The following SYBU variants were observed in gnomAD, a reference collection of about 807,000 sequenced individuals.
SYBU encodes GOLSYN A protein.
In SYBU, 21 loss-of-function variants were observed where a neutral mutation model predicts 35.9. The observed-to-expected ratio is 0.58, with a 90% CI of 0.41 to 0.84. The LOEUF is 0.84. Among genes scored for constraint, SYBU ranks in the 40% least tolerant of loss-of-function variants. The pLI is 0.00. For synonymous variants in SYBU, 319 were observed against 324.3 expected (o/e 0.98, Z 0.18); for missense variants, 768 against 848.2 (o/e 0.91, Z 1.17).
At chr8:109,686,176 T>C (rs972706041) in intron 1 of SYBU, among the ~76,000 whole-genome samples, 3 of 152,002 alleles carry the variant, frequency 2.0e-5, no homozygotes, top group South Asian at 2.1e-4. Context: ...CCTAATTCTG[T>C]AGTGAGGTCA....
chr8:109,684,303 C>CTT (rs35243384), upstream of SYBU, among the ~76,000 whole-genome samples: 1 of 152,182 alleles, frequency 6.6e-6, no homozygotes, highest in East Asian at 1.9e-4. Flanking sequence ...TAAATCTGTT[C>CTT]TTTTTGTACT....
At chr8:109,665,832 T>A (rs1333024174) in intron 1 of SYBU, among the ~76,000 whole-genome samples, 2 of 152,210 alleles carry the variant, frequency 1.3e-5, no homozygotes, top group African/African-American at 4.8e-5. Context: ...ATATAACAAG[T>A]GAAGATTTCA....
intron 1 of SYBU, among the ~76,000 whole-genome samples, chr8:109,674,294 G>C (rs749443663): frequency 2.0e-5 from 3 of 151,478 alleles, no homozygotes; most frequent in African/African-American, 7.3e-5. Flanking sequence ...AGAAAGGTCA[G>C]GTTACTCACA....
At chr8:109,591,805 C>A (rs564379291) in intron 3 of SYBU, among the ~76,000 whole-genome samples, 1 of 152,058 alleles carries the variant, frequency 6.6e-6, no homozygotes, top group South Asian at 2.1e-4. Flanking sequence ...AGCCACCGCG[C>A]CCGGCCAAAA....
chr8:109,671,245 T>G (rs1460180884), intron 1 of SYBU, among the ~76,000 whole-genome samples: 1 of 151,550 alleles, frequency 6.6e-6, no homozygotes, highest in Non-Finnish European at 1.5e-5. Context: ...TTTTTTTTTC[T>G]TACTATAGGT....
rs1291086158 is a variant in SYBU, at chr8:109,659,876, G to GT, written c.-129+20834dup. On this transcript the variant is annotated intron_variant, in intron 1 of 5. Transcript: ENST00000408889. ...TTTTGTAAAATTGTTGCTTAAGGCA[G>GT]TTTTTTTAATTTATTGACCAGATCC... 3.3e-5 allele frequency among the ~76,000 whole-genome samples: 5 copies of GT among 152,134 alleles called. No individual in the cohort carries two copies. In the South Asian group the frequency reaches 8.3e-4, roughly 25 times the overall value.
At chr8:109,635,689 T>G (rs1345790860) in intron 2 of SYBU, among the ~76,000 whole-genome samples, 1 of 152,218 alleles carries the variant, frequency 6.6e-6, no homozygotes, top group Non-Finnish European at 1.5e-5. Context: ...GACCCATCTG[T>G]TCTAGCCCCA....
chr8:109,620,336 A>C (rs917263422), intron 2 of SYBU, among the ~76,000 whole-genome samples: 3 of 152,222 alleles, frequency 2.0e-5, no homozygotes, highest in Non-Finnish European at 4.4e-5. Flanking sequence ...CATCTTGTGA[A>C]TATTACGGGA....
chr8:109,684,080 T>A (rs1817465034), upstream of SYBU, among the ~76,000 whole-genome samples: 1 of 152,274 alleles, frequency 6.6e-6, no homozygotes, highest in East Asian at 1.9e-4. Context: ...ACACTTCACC[T>A]AATGCATAAC....
intron 1 of SYBU, among the ~76,000 whole-genome samples, chr8:109,657,682 C>T (rs923631077): frequency 2.6e-5 from 4 of 152,194 alleles, no homozygotes; most frequent in South Asian, 2.1e-4. Context: ...CACTGCCAAA[C>T]TTCTTGCCTA....
chr8:109,593,514 C>G (rs1172825997), intron 3 of SYBU, among the ~76,000 whole-genome samples: 1 of 152,172 alleles, frequency 6.6e-6, no homozygotes, highest in Non-Finnish European at 1.5e-5. Flanking sequence ...CAGCCAAACT[C>G]ATGTACACAA....
chr8:109,612,493 C>A (rs1811284632), intron 3 of SYBU, among the ~76,000 whole-genome samples: 1 of 152,210 alleles, frequency 6.6e-6, no homozygotes, highest in Non-Finnish European at 1.5e-5. Context: ...TAACCAAAAT[C>A]TTCCCGTTAG....
At chr8:109,638,464 A>G (rs1010196639) in intron 2 of SYBU, among the ~76,000 whole-genome samples, 12 of 152,330 alleles carry the variant, frequency 7.9e-5, no homozygotes, top group Non-Finnish European at 1.8e-4. Flanking sequence ...TGTTAAAAAC[A>G]AGAAACATGG....
At chr8:109,607,878 AATT>A in intron 3 of SYBU, 1 of 1,106,776 alleles carries the variant, frequency 9.0e-7, no homozygotes, top group Non-Finnish European at 1.3e-6. Context: ...GATCCAATAT[AATT>A]ATTTACTTAC....
At chr8:109,623,225 G>A (rs900196388) in intron 2 of SYBU, among the ~76,000 whole-genome samples, 3 of 152,066 alleles carry the variant, frequency 2.0e-5, no homozygotes, top group Admixed American at 6.6e-5. Context: ...CTCCTTAGAC[G>A]GGTCCAAGAT....
Position 109,691,574 on chromosome 8 carries a change from A to G in SYBU, c.-299T>C, listed in dbSNP as rs1817646990. ...CCTCGGCCCCTCGGCCTCTGCAGCC[A>G]GCCGGGCGGCTGCTGGGGCTGAGGA... is the stretch of plus-strand genomic sequence containing the variant. On this transcript the variant is annotated 5_prime_UTR_variant, in exon 1 of 8. Transcript: ENST00000422135. The surrounding 1 kb of genome is among the most constrained non-coding windows in gnomAD (Gnocchi z 4.7). 3 of 439,584 alleles carry G rather than the reference A, an allele frequency of 6.8e-6. No individual in the cohort carries two copies. The allele number at this position is 439,584 out of a possible 1,614,324, so 27.2% of individuals were successfully genotyped here.
chr8:109,677,227 A>G (rs1817224779), intron 1 of SYBU, among the ~76,000 whole-genome samples: 1 of 152,220 alleles, frequency 6.6e-6, no homozygotes, highest in African/African-American at 2.4e-5. Context: ...TCTAAAAGTA[A>G]TACATACAAG....
upstream of SYBU, among the ~76,000 whole-genome samples, chr8:109,682,519 G>A (rs1432638090): frequency 6.6e-6 from 1 of 152,182 alleles, no homozygotes; most frequent in Non-Finnish European, 1.5e-5. Flanking sequence ...GAACTTGAGA[G>A]TGATGATTTA....
At chr8:109,681,764 TTG>T (rs1482193564), upstream of SYBU, among the ~76,000 whole-genome samples, 1 of 152,170 alleles carries the variant, frequency 6.6e-6, no homozygotes, top group African/African-American at 2.4e-5. Flanking sequence ...ATGATATGGT[TTG>T]GGTGTGTCCC....
Sources: allele counts gnomAD v4.1 joint callset (sites outside exome capture counted in the v4.1 genomes callset), GRCh38; gene constraint gnomAD v4.1.1; non-coding constraint Gnocchi (gnomAD v3.1); transcripts MANE v1.5; gene names NCBI Gene and HGNC (gene_info 2026-07-23, HGNC 2026-07-21).